The following PEX7 variants were observed in gnomAD, a reference collection of about 807,000 sequenced individuals.
PEX7 encodes the protein peroxisomal biogenesis factor 7.
A neutral mutation model predicts 47.5 loss-of-function variants in PEX7; 34 were observed. That is an observed-to-expected ratio of 0.72 (90% CI 0.54 to 0.95). The LOEUF (loss-of-function observed/expected upper bound fraction) is 0.95. Ranked by LOEUF, PEX7 falls within the 40% of genes least tolerant of loss-of-function variation. The pLI, the probability that PEX7 is intolerant of heterozygous loss-of-function variation, is 0.00. For synonymous variants in PEX7, 141 were observed against 148.8 expected (o/e 0.95, Z 0.38); for missense variants, 394 against 400.3 (o/e 0.98, Z 0.13).
chr6:136,826,223 A>G (rs973455703), intron 2 of PEX7, 96 bp from the exon 3 acceptor site: 9 of 1,369,260 alleles, frequency 6.6e-6, no homozygotes, highest in African/African-American at 2.8e-5. Flanking sequence ...TGTGTGATAA[A>G]TTGAAAGAAA....
rs538274436 is a variant in PEX7, at chr6:136,855,404, A to T, written c.526+9223A>T. Among the ~76,000 whole-genome samples the T allele has an allele frequency of 2.7e-5, 4 of 150,618 alleles. No homozygotes were observed. In the South Asian group the frequency reaches 8.4e-4, roughly 32 times the overall value. On this transcript the variant is annotated intron_variant, in intron 5 of 9. Transcript: ENST00000318471. Reference sequence around the variant, plus strand: ...CCCCAGGCTGGAGTACAATGGTGCAATCTCAGCTCACTGCAACTTCCGCCT... The same window carrying T: ...CCCCAGGCTGGAGTACAATGGTGCATTCTCAGCTCACTGCAACTTCCGCCT...
intron 3 of PEX7, among the ~76,000 whole-genome samples, chr6:136,833,447 T>C (rs1774329356): frequency 6.6e-6 from 1 of 152,230 alleles, no homozygotes; most frequent in African/African-American, 2.4e-5. Context: ...CATTTAAAAC[T>C]AGTGTGTTTT....
At chr6:136,832,716 A>G (rs1348200939) in intron 3 of PEX7, among the ~76,000 whole-genome samples, 1 of 152,104 alleles carries the variant, frequency 6.6e-6, no homozygotes, top group Non-Finnish European at 1.5e-5. Flanking sequence ...TTCACCAGAC[A>G]CTCTAAATCA....
At chr6:136,872,324 A>G in intron 8 of PEX7, 71 bp downstream of exon 8, 1 of 1,125,174 alleles carries the variant, frequency 8.9e-7, no homozygotes, top group Non-Finnish European at 1.3e-6. Flanking sequence ...CTTTTATAAG[A>G]GATAATATGA....
intron 8 of PEX7, among the ~76,000 whole-genome samples, chr6:136,892,763 C>T (rs1461759236): frequency 6.6e-6 from 1 of 152,172 alleles, no homozygotes; most frequent in Admixed American, 6.5e-5. Flanking sequence ...ATTATGAGTA[C>T]TATGAATGAA....
rs529383741 is a variant in PEX7 at position 136,831,236 on chromosome 6, T to C, written c.339+4767T>C. On this transcript the variant is annotated intron_variant, in intron 3 of 9. Transcript: ENST00000318471. ...GGTGAAGGGGAAGTAGATAACCTTC[T>C]TCACAAGGCAGCAGGAGAGAGAGAA... 4.6e-5 allele frequency among the ~76,000 whole-genome samples: 7 copies of C among 152,186 alleles called. No homozygotes were observed. In the Middle Eastern group the frequency reaches 0.01, roughly 223 times the overall value.
At chr6:136,895,155 A>G (rs1049154806) in intron 8 of PEX7, among the ~76,000 whole-genome samples, 4 of 152,168 alleles carry the variant, frequency 2.6e-5, no homozygotes, top group East Asian at 1.9e-4. Context: ...TGGAACTTCA[A>G]TAGAGATACA....
intron 9 of PEX7, among the ~76,000 whole-genome samples, chr6:136,906,919 A>G (rs1273306911): frequency 6.6e-6 from 1 of 152,204 alleles, no homozygotes; most frequent in Non-Finnish European, 1.5e-5. Flanking sequence ...CCTTCAGTGT[A>G]GAGTCTGAAC....
intron 5 of PEX7, among the ~76,000 whole-genome samples, chr6:136,848,260 T>C (rs144010613): frequency 0.02 from 3,057 of 152,300 alleles, 111 homozygotes; most frequent in African/African-American, 0.069. Flanking sequence ...GGTGGGGTTT[T>C]CTAAATACAC....
At chr6:136,899,080 C>CTTTTTTTTTTTTTTTTTTTTTTTTTTTTT in intron 9 of PEX7, among the ~76,000 whole-genome samples, 1 of 111,980 alleles carries the variant, frequency 8.9e-6, no homozygotes. Flanking sequence ...TTTTTCTTTT[C>CTTTTTTTTTTTTTTTTTTTTTTTTTTTTT]TTTTTTTTTT....
intron 5 of PEX7, among the ~76,000 whole-genome samples, chr6:136,862,376 C>A (rs1425996507): frequency 6.6e-6 from 1 of 151,738 alleles, no homozygotes; most frequent in African/African-American, 2.4e-5. Flanking sequence ...CTGTGCCTGG[C>A]CATATTTTTA....
intron 5 of PEX7, 34 bp downstream of exon 5, chr6:136,846,215 T>G: frequency 7.5e-7 from 1 of 1,342,176 alleles, no homozygotes; most frequent in African/African-American, 1.4e-5. Flanking sequence ...AAGCCTTACT[T>G]GTAGTGAATG....
intron 8 of PEX7, among the ~76,000 whole-genome samples, chr6:136,877,886 A>T (rs1431519735): frequency 6.6e-6 from 1 of 152,192 alleles, no homozygotes; most frequent in Non-Finnish European, 1.5e-5. Flanking sequence ...TCTATAAATT[A>T]CTTTGGGTGG....
intron 7 of PEX7, among the ~76,000 whole-genome samples, chr6:136,871,799 G>C (rs568533089): frequency 1.3e-5 from 2 of 152,168 alleles, no homozygotes; most frequent in Non-Finnish European, 2.9e-5. Flanking sequence ...GACCTGAGGT[G>C]ATCTGCCCTC....
At chr6:136,878,705 G>T (rs910437020) in intron 8 of PEX7, among the ~76,000 whole-genome samples, 2 of 151,968 alleles carry the variant, frequency 1.3e-5, no homozygotes, top group Non-Finnish European at 2.9e-5. Context: ...TTAGGATCTC[G>T]CTTAGTGAAC....
chr6:136,912,578 A>G (rs1199002742), intron 9 of PEX7, among the ~76,000 whole-genome samples: 1 of 151,914 alleles, frequency 6.6e-6, no homozygotes, highest in Non-Finnish European at 1.5e-5. Flanking sequence ...CCTTTGATCT[A>G]CTTGTCTTTA....
chr6:136,830,206 T>A, intron 3 of PEX7: 1 of 600,016 alleles, frequency 1.7e-6, no homozygotes, highest in South Asian at 2.1e-5. Flanking sequence ...ATTTGCAAAC[T>A]AAGTTTATTA....
At chr6:136,849,647 A>C (rs905978639) in intron 5 of PEX7, among the ~76,000 whole-genome samples, 1 of 152,134 alleles carries the variant, frequency 6.6e-6, no homozygotes, top group African/African-American at 2.4e-5. Context: ...TTCAGTGTCC[A>C]TGTAGTTCTG....
chr6:136,874,629 A>G (rs993804604), intron 8 of PEX7, among the ~76,000 whole-genome samples: 9 of 149,202 alleles, frequency 6.0e-5, no homozygotes, highest in African/African-American at 2.2e-4. Flanking sequence ...AAATCATACC[A>G]CTGCACTCCA....
Sources: allele counts gnomAD v4.1 joint callset (sites outside exome capture counted in the v4.1 genomes callset), GRCh38; gene constraint gnomAD v4.1.1; transcripts MANE v1.5; gene names NCBI Gene and HGNC (gene_info 2026-07-23, HGNC 2026-07-21).